SDHA: variants seen among roughly 807,000 people sequenced by gnomAD.
SDHA encodes succinate dehydrogenase [ubiquinone] flavoprotein subunit, mitochondrial.
Under a neutral mutation model 78.4 loss-of-function variants are expected in SDHA, and 48 were observed. That is an observed-to-expected ratio of 0.61 (90% CI 0.49 to 0.78). The LOEUF is 0.78. Among genes scored for constraint, SDHA ranks in the 30% least tolerant of loss-of-function variants. The pLI is 0.00. For synonymous variants in SDHA, 326 were observed against 353.9 expected (o/e 0.92, Z 0.88); for missense variants, 680 against 892.7 (o/e 0.76, Z 3.04).
At position 255,690 on chromosome 5, in the gene SDHA, GTC is replaced by G. The variant is rs559738088; in HGVS notation, c.1909-642_1909-641del. ...ACTCCTGCGCTCAAGTGATCCACCT[GTC>G]TTGGCCTCCCAACAGGCATGAACCA... On this transcript the variant is annotated intron_variant, in intron 14 of 14. Coordinates refer to ENST00000264932, the MANE Select transcript of SDHA (RefSeq NM_004168.4). 2.0e-5 allele frequency among the ~76,000 whole-genome samples: 3 copies of G among 152,240 alleles called. No homozygotes were observed. In the South Asian group the frequency reaches 6.2e-4, roughly 32 times the overall value.
intron 11 of SDHA, among the ~76,000 whole-genome samples, chr5:243,605 C>T (rs1261438491): frequency 6.6e-6 from 1 of 152,146 alleles, no homozygotes; most frequent in Non-Finnish European, 1.5e-5. Flanking sequence ...TCCTTTAGTG[C>T]AGTAAAACAG....
intron 1 of SDHA, among the ~76,000 whole-genome samples, chr5:222,625 C>T (rs191794079): frequency 1.7e-4 from 26 of 152,218 alleles, no homozygotes; most frequent in African/African-American, 6.0e-4. Context: ...CAGGCATGAG[C>T]CACCGTGCCC....
At position 226,055 on chromosome 5, in the gene SDHA, C is replaced by T. The variant is rs201091275; in HGVS notation, c.621+8C>T. On this transcript the variant is annotated splice_region_variant and intron_variant, in intron 5 of 14. Coordinates refer to ENST00000264932, the MANE Select transcript of SDHA (RefSeq NM_004168.4). ...CACACCTTATATGGAAGGGTAAGGC[C>T]GCCCCCGTCCACCTGAGACAGGACA... 6.8e-6 allele frequency: 11 copies of T among 1,613,928 alleles called. No individual in the cohort carries two copies. The highest frequency in any genetic ancestry group is 5.0e-5 in the Admixed American group (3 of 59,994).
At chr5:223,395 C>T in intron 1 of SDHA, 87 bp from the exon 2 acceptor site, 1 of 974,312 alleles carries the variant, frequency 1.0e-6, no homozygotes, top group Non-Finnish European at 1.7e-6. Flanking sequence ...AGAAGGTGAA[C>T]AGTTTGCAAG....
chr5:220,260 A>T, intron 1 of SDHA: 1 of 451,730 alleles, frequency 2.2e-6, no homozygotes, highest in Non-Finnish European at 4.5e-6. Flanking sequence ...CAGCTTGCAA[A>T]CTGTTCGAAA....
chr5:243,167 A>T (rs1736247670), intron 11 of SDHA, among the ~76,000 whole-genome samples: 1 of 152,166 alleles, frequency 6.6e-6, no homozygotes, highest in African/African-American at 2.4e-5. Flanking sequence ...GTTAGAATAC[A>T]CCCTGCAGAT....
At chr5:261,552 A>C (rs1354778600), downstream of SDHA, among the ~76,000 whole-genome samples, 16 of 33,344 alleles carry the variant, frequency 4.8e-4, no homozygotes, top group African/African-American at 1.4e-3. Flanking sequence ...GCCTCCCGTC[A>C]GAGCATTACC....
At chr5:224,586 A>G (rs1734903631) in intron 3 of SDHA, 65 bp downstream of exon 3, 3 of 1,561,794 alleles carry the variant, frequency 1.9e-6, no homozygotes, top group African/African-American at 2.7e-5. Flanking sequence ...CGCACTTTCT[A>G]CCTGGGCAGC....
At chr5:254,207 A>G (rs6887802) in intron 13 of SDHA, among the ~76,000 whole-genome samples, 186 bp from the exon 14 acceptor site, 18,507 of 145,078 alleles carry the variant, frequency 0.13, 1,252 homozygotes, top group Admixed American at 0.17. Context: ...CTGGCTGCAC[A>G]CCCCCTGGCC....
intron 7 of SDHA, among the ~76,000 whole-genome samples, chr5:231,861 C>T (rs1735424371): frequency 6.6e-6 from 1 of 152,130 alleles, no homozygotes; most frequent in South Asian, 2.1e-4. Flanking sequence ...GCGCTGGGCT[C>T]AGCCCACGTG....
At chr5:254,686 A>G (rs887735473) in intron 14 of SDHA, among the ~76,000 whole-genome samples, 180 bp downstream of exon 14, 6 of 152,204 alleles carry the variant, frequency 3.9e-5, no homozygotes, top group African/African-American at 1.4e-4. Flanking sequence ...GGCTGGAAAC[A>G]GAATCCAGTT....
intron 11 of SDHA, among the ~76,000 whole-genome samples, chr5:242,764 G>A (rs1736226806): frequency 6.6e-6 from 1 of 152,202 alleles, no homozygotes. Flanking sequence ...TCCCTGTGGT[G>A]AGTAAGACGG....
chr5:221,259 T>C (rs1734697065), intron 1 of SDHA, among the ~76,000 whole-genome samples: 1 of 152,254 alleles, frequency 6.6e-6, no homozygotes, highest in Non-Finnish European at 1.5e-5. Context: ...TTTCTGATAC[T>C]GACTCCTGGC....
At chr5:247,273 G>A (rs58678902) in intron 11 of SDHA, among the ~76,000 whole-genome samples, 14,572 of 152,154 alleles carry the variant, frequency 0.096, 2,253 homozygotes, top group African/African-American at 0.33. Context: ...GCTGAGTTAC[G>A]ATTTCATACA....
chr5:218,497 C>G (rs1734513796), intron 1 of SDHA, 79 bp downstream of exon 1: 1 of 1,129,846 alleles, frequency 8.9e-7, no homozygotes, highest in Admixed American at 4.2e-5. Flanking sequence ...CCAGCGGGTC[C>G]GAGCGGAGCG....
rs904866379 is a variant in SDHA, at chr5:236,278, C to T, written c.1261-150C>T. On this transcript the variant is annotated intron_variant, in intron 9 of 14. Transcript: ENST00000264932. ...GACCTCAGGTGATCACCCACCTCAG[C>T]CTCCCAAAGTGCTGAGATTACAGGC... 1.8e-5 allele frequency: 14 copies of T among 757,526 alleles called. No homozygotes were observed. In the Admixed American group the frequency reaches 2.2e-4, roughly 12 times the overall value. The allele number at this position is 757,526 out of a possible 1,614,324, so 46.9% of individuals were successfully genotyped here.
downstream of SDHA, among the ~76,000 whole-genome samples, chr5:258,574 C>T (rs1317975860): frequency 3.1e-5 from 4 of 127,020 alleles, no homozygotes; most frequent in South Asian, 2.5e-4. Flanking sequence ...GAGCTCCGCC[C>T]CCCGCCAGAG....
intron 1 of SDHA, among the ~76,000 whole-genome samples, chr5:218,952 G>T (rs1734551182): frequency 6.6e-6 from 1 of 151,932 alleles, no homozygotes; most frequent in Non-Finnish European, 1.5e-5. Flanking sequence ...GGCCCGGTGG[G>T]CGTCCGGTGG....
intron 5 of SDHA, among the ~76,000 whole-genome samples, chr5:226,317 T>C (rs1735022535): frequency 6.6e-6 from 1 of 152,166 alleles, no homozygotes; most frequent in East Asian, 1.9e-4. Context: ...ACTTGGGATA[T>C]GTGACACTCA....
Sources: gnomAD v4.1 joint callset for allele counts (sites outside exome capture counted in the v4.1 genomes callset) on GRCh38, gnomAD v4.1.1 for gene constraint, MANE v1.5 for transcripts, NCBI Gene and HGNC (gene_info 2026-07-23, HGNC 2026-07-21) for gene names.